C1orf21: variants seen among roughly 807,000 people sequenced by gnomAD.
C1orf21 encodes the protein uncharacterized protein C1orf21.
A neutral mutation model predicts 18.7 loss-of-function variants in C1orf21; 3 were observed. The observed-to-expected ratio is 0.16, with a 90% CI of 0.07 to 0.42. The LOEUF is 0.42. C1orf21 is among the 10% of genes least tolerant of loss of function. The pLI, the probability that C1orf21 is intolerant of heterozygous loss-of-function variation, is 0.99. For synonymous variants in C1orf21, 41 were observed against 46.4 expected (o/e 0.88, Z 0.47); for missense variants, 104 against 143.6 (o/e 0.72, Z 1.41).
intron 1 of C1orf21, among the ~76,000 whole-genome samples, chr1:184,422,101 A>T (rs562730963): frequency 6.6e-6 from 1 of 152,178 alleles, no homozygotes; most frequent in Admixed American, 6.5e-5. Flanking sequence ...TGGCTGATGG[A>T]TAAGATTTCA....
chr1:184,478,532 A>G (rs902914361), intron 2 of C1orf21, among the ~76,000 whole-genome samples: 3 of 152,232 alleles, frequency 2.0e-5, no homozygotes, highest in Admixed American at 6.5e-5. Flanking sequence ...TCCTTGAGAC[A>G]ACCGTCAGGA....
chr1:184,617,904 G>GTTTTTTTTT (rs142357373), intron 5 of C1orf21, among the ~76,000 whole-genome samples: 8 of 87,490 alleles, frequency 9.1e-5, no homozygotes, highest in Non-Finnish European at 1.6e-4. Context: ...TGTTGTTGTT[G>GTTTTTTTTT]TTTTTTTTTT....
At position 184,571,575 on chromosome 1, in the gene C1orf21, T is replaced by G. The variant is rs78807929; in HGVS notation, c.190-19164T>G. On this transcript the variant is annotated intron_variant, in intron 3 of 5. Coordinates refer to ENST00000235307, the MANE Select transcript of C1orf21 (RefSeq NM_030806.4). ...ACCCCCTGTTGTTTGCTGGAGACAC[T>G]TCATCCCTTTCCATGACTTGCCTGG... is the stretch of plus-strand genomic sequence containing the variant. 6.4e-3 allele frequency among the ~76,000 whole-genome samples: 977 copies of G among 152,296 alleles called. 9 individuals are homozygous for G. The highest frequency in any genetic ancestry group is 0.022 in the African/African-American group (928 of 41,564).
At chr1:184,579,025 T>C (rs1257777673) in intron 3 of C1orf21, among the ~76,000 whole-genome samples, 1 of 144,952 alleles carries the variant, frequency 6.9e-6, no homozygotes, top group Non-Finnish European at 1.5e-5. Flanking sequence ...GAACTGAGCG[T>C]CTTGGGTGCC....
At position 184,620,821 on chromosome 1, in the gene C1orf21, T is replaced by C. The variant is rs1659904424; in HGVS notation, c.*1265T>C. 1 of 152,664 alleles carries C rather than the reference T, an allele frequency of 6.6e-6. No homozygotes were observed. The highest frequency in any genetic ancestry group is 6.5e-5 in the Admixed American group (1 of 15,284). The allele number at this position is 152,664 out of a possible 1,614,324, so 9.5% of individuals were successfully genotyped here. A position where few individuals can be genotyped will look rare whatever the true frequency, so the allele number is the denominator to read the frequency against. ...GATCTCTTCTCAAAGACAGAAGTGA[T>C]ATTTTTAACAAATATTGTCACAAGT... On this transcript the variant is annotated 3_prime_UTR_variant, in exon 6 of 6. Transcript: ENST00000235307.
chr1:184,445,620 T>C (rs1657018621), intron 1 of C1orf21, among the ~76,000 whole-genome samples: 1 of 151,868 alleles, frequency 6.6e-6, no homozygotes, highest in Admixed American at 6.6e-5. Flanking sequence ...CTGTAGATAT[T>C]GAAAAAAAAA....
chr1:184,539,967 C>A (rs1448414477), intron 3 of C1orf21: 1 of 152,208 alleles, frequency 6.6e-6, no homozygotes, highest in African/African-American at 2.4e-5. Context: ...CCCTGCTGAC[C>A]TGTGATGAAC....
chr1:184,500,987 C>A (rs77768997), intron 2 of C1orf21, among the ~76,000 whole-genome samples: 354 of 152,336 alleles, frequency 2.3e-3, no homozygotes, highest in Admixed American at 3.6e-3. Context: ...TGTTCTTCCT[C>A]ACCTGCCTCA....
chr1:184,392,159 T>C (rs898657039), intron 1 of C1orf21, among the ~76,000 whole-genome samples: 3 of 152,246 alleles, frequency 2.0e-5, no homozygotes, highest in Non-Finnish European at 4.4e-5. Flanking sequence ...CTAATATTTA[T>C]AGTGTGCCTT....
At chr1:184,410,643 A>AATATATATAT (rs1656327433) in intron 1 of C1orf21, among the ~76,000 whole-genome samples, 3 of 4,968 alleles carry the variant, frequency 6.0e-4, no homozygotes, top group Non-Finnish European at 9.3e-4. Context: ...ATATATATAT[A>AATATATATAT]TATATATATA....
intron 2 of C1orf21, among the ~76,000 whole-genome samples, chr1:184,499,848 G>A (rs1196951762): frequency 2.6e-5 from 4 of 152,128 alleles, no homozygotes; most frequent in African/African-American, 9.7e-5. Flanking sequence ...TCAAAGCAGG[G>A]GAGAGGATAG....
chr1:184,600,167 T>G (rs895339663), intron 5 of C1orf21, among the ~76,000 whole-genome samples: 1 of 148,504 alleles, frequency 6.7e-6, no homozygotes, highest in Non-Finnish European at 1.5e-5. Context: ...CCAATGTGGG[T>G]TTTTTTTTTC....
In C1orf21 at chr1:184,538,797, C is replaced by T. The variant is rs114254016; in HGVS notation, c.189+31115C>T. Among the ~76,000 whole-genome samples, 593 of 152,266 alleles carry T rather than the reference C, an allele frequency of 3.9e-3. 5 individuals carry two copies. The highest frequency in any genetic ancestry group is 5.7e-3 in the Non-Finnish European group (385 of 68,004). ...AAAGTGTATTTCTGAGTTCTCCATT[C>T]TATTTCATTTTATATGTCTACCTTT... On this transcript the variant is annotated intron_variant, in intron 3 of 5. Transcript: ENST00000235307.
chr1:184,597,193 T>C (rs1296236025), intron 4 of C1orf21, among the ~76,000 whole-genome samples: 1 of 152,222 alleles, frequency 6.6e-6, no homozygotes, highest in East Asian at 1.9e-4. Flanking sequence ...AATGATCAGA[T>C]AAAGGGCAGT....
intron 3 of C1orf21, chr1:184,539,967 C>T (rs1448414477): frequency 6.6e-6 from 1 of 152,208 alleles, no homozygotes; most frequent in Non-Finnish European, 1.5e-5. Flanking sequence ...CCCTGCTGAC[C>T]TGTGATGAAC....
chr1:184,604,939 C>G (rs1448531753), intron 5 of C1orf21, among the ~76,000 whole-genome samples: 1 of 152,220 alleles, frequency 6.6e-6, no homozygotes, highest in African/African-American at 2.4e-5. Flanking sequence ...AGTTCAGTTT[C>G]TAATGCAACA....
intron 1 of C1orf21, among the ~76,000 whole-genome samples, chr1:184,451,347 A>G (rs951066133): frequency 2.6e-5 from 4 of 151,922 alleles, no homozygotes; most frequent in Non-Finnish European, 4.4e-5. Context: ...CTGGAGTGCA[A>G]CGGCACGATC....
intron 2 of C1orf21, among the ~76,000 whole-genome samples, chr1:184,489,542 C>T (rs555977328): frequency 6.6e-6 from 1 of 152,184 alleles, no homozygotes; most frequent in East Asian, 1.9e-4. Flanking sequence ...ATGAGCATGC[C>T]CTTTGCCCCA....
At chr1:184,550,551 T>C (rs1472241629) in intron 3 of C1orf21, among the ~76,000 whole-genome samples, 1 of 152,212 alleles carries the variant, frequency 6.6e-6, no homozygotes, top group Non-Finnish European at 1.5e-5. Context: ...TGTTTGTTTT[T>C]TGAGACAGGA....
Sources: allele counts gnomAD v4.1 joint callset (sites outside exome capture counted in the v4.1 genomes callset), GRCh38; gene constraint gnomAD v4.1.1; transcripts MANE v1.5; gene names NCBI Gene and HGNC (gene_info 2026-07-23, HGNC 2026-07-21).